The following MAD1L1 variants were observed in gnomAD, a reference collection of about 807,000 sequenced individuals.
The protein encoded by MAD1L1 is mitotic arrest deficient 1 like 1, also known as mitotic spindle assembly checkpoint protein MAD1.
A neutral mutation model predicts 96.9 loss-of-function variants in MAD1L1; 95 were observed. That is an observed-to-expected ratio of 0.98 (90% CI 0.83 to 1.16). The LOEUF (loss-of-function observed/expected upper bound fraction) is 1.16, where lower values mean the gene tolerates loss of function less well. Ranked by LOEUF, MAD1L1 falls within the 50% of genes most tolerant of loss-of-function variation. The probability of loss-of-function intolerance (pLI) is 0.00; values close to 1 mark genes in which losing one functional copy is unlikely to be tolerated. For missense variants in MAD1L1, 1,007 were observed against 954.4 expected, an observed-to-expected ratio of 1.06 and a Z score of -0.73; for synonymous variants, 473 against 396.6, an observed-to-expected ratio of 1.19 and a Z score of -2.29.
intron 14 of MAD1L1, among the ~76,000 whole-genome samples, chr7:1,984,899 T>C (rs1365644859): frequency 6.6e-6 from 1 of 152,250 alleles, no homozygotes; most frequent in African/African-American, 2.4e-5. Flanking sequence ...TTTTTGCGTG[T>C]AATTCTCTCG....
rs118004989 is a variant in MAD1L1, at chr7:2,094,617, A to G, written c.1074-25279T>C. 3.5e-4 allele frequency among the ~76,000 whole-genome samples: 53 copies of G among 150,746 alleles called. 2 individuals are homozygous for G. In the East Asian group the frequency reaches 9.0e-3, roughly 26 times the overall value. On this transcript the variant is annotated intron_variant, in intron 11 of 18. Coordinates refer to ENST00000265854, the MANE Select transcript of MAD1L1 (RefSeq NM_001013836.2). ...CTGCTATCCAGACAGGGTGCTCCAGAAAGAGGACTGGCCAGTGCAAAGGCC... is the reference window on the plus strand; with the variant it reads ...CTGCTATCCAGACAGGGTGCTCCAGGAAGAGGACTGGCCAGTGCAAAGGCC...
chr7:1,891,933 T>C (rs769301730), intron 18 of MAD1L1, among the ~76,000 whole-genome samples: 3 of 152,184 alleles, frequency 2.0e-5, no homozygotes, highest in Non-Finnish European at 1.5e-5. Context: ...GAGTGTAGCC[T>C]AAGTGGTACG....
chr7:1,881,805 G>GC, intron 18 of MAD1L1, among the ~76,000 whole-genome samples: 1 of 152,310 alleles, frequency 6.6e-6, no homozygotes, highest in South Asian at 2.1e-4. Flanking sequence ...GGCCCATGGT[G>GC]CCCCCTCACT....
chr7:1,896,642 C>T (rs542150088), intron 18 of MAD1L1, among the ~76,000 whole-genome samples: 3 of 152,354 alleles, frequency 2.0e-5, no homozygotes, highest in South Asian at 2.1e-4. Flanking sequence ...GGCCACCTTT[C>T]GCGGGAAGAT....
At chr7:1,916,760 G>A (rs577142496) in intron 17 of MAD1L1, among the ~76,000 whole-genome samples, 106 of 152,248 alleles carry the variant, frequency 7.0e-4, no homozygotes, top group Non-Finnish European at 1.3e-3. Context: ...AGAAATGACA[G>A]TAGTCCCGAT....
At chr7:2,210,957 C>T (rs562280298) in intron 10 of MAD1L1, among the ~76,000 whole-genome samples, 6 of 152,342 alleles carry the variant, frequency 3.9e-5, no homozygotes, top group East Asian at 3.9e-4. Context: ...AGAAGAGCTC[C>T]GTGTCCCCCT....
chr7:1,868,477 A>T (rs1446190642), intron 18 of MAD1L1, among the ~76,000 whole-genome samples: 1 of 115,930 alleles, frequency 8.6e-6, no homozygotes, highest in African/African-American at 3.6e-5. Flanking sequence ...GAGGCCTCCC[A>T]CCCACCCCAC....
intron 10 of MAD1L1, among the ~76,000 whole-genome samples, chr7:2,163,752 G>A (rs1437898023): frequency 6.6e-6 from 1 of 152,134 alleles, no homozygotes; most frequent in Non-Finnish European, 1.5e-5. Context: ...GGCAAGCCTG[G>A]GGAGCACTGG....
chr7:2,012,881 C>T (rs1782366003), intron 13 of MAD1L1, among the ~76,000 whole-genome samples: 1 of 152,180 alleles, frequency 6.6e-6, no homozygotes, highest in South Asian at 2.1e-4. Context: ...GTGCCCACGC[C>T]CCCTCTAAAC....
At chr7:1,824,248 T>A (rs1199616846) in intron 18 of MAD1L1, among the ~76,000 whole-genome samples, 1 of 152,180 alleles carries the variant, frequency 6.6e-6, no homozygotes. Context: ...GCGGGCCTGG[T>A]GGCAGAGCTG....
intron 18 of MAD1L1, among the ~76,000 whole-genome samples, chr7:1,874,718 G>A (rs1409810053): frequency 6.6e-6 from 1 of 152,076 alleles, no homozygotes; most frequent in Non-Finnish European, 1.5e-5. Context: ...TGGCTCAGCA[G>A]GACCCACAGG....
intron 10 of MAD1L1, among the ~76,000 whole-genome samples, chr7:2,192,653 T>C (rs1283521074): frequency 6.6e-6 from 1 of 152,120 alleles, no homozygotes; most frequent in Non-Finnish European, 1.5e-5. Flanking sequence ...TTTTAAAAAA[T>C]TCTAAGGAAG....
chr7:2,154,306 G>A (rs1415802649), intron 10 of MAD1L1, among the ~76,000 whole-genome samples: 2 of 152,238 alleles, frequency 1.3e-5, no homozygotes, highest in African/African-American at 4.8e-5. Flanking sequence ...GCAGAGAGTA[G>A]AATGACAGGA....
intron 13 of MAD1L1, among the ~76,000 whole-genome samples, chr7:2,011,545 G>C (rs1222499033): frequency 6.6e-6 from 1 of 152,184 alleles, no homozygotes; most frequent in Non-Finnish European, 1.5e-5. Context: ...GTCACTTCAG[G>C]GAAAGGCAGG....
chr7:2,221,266 C>G (rs534496885), intron 5 of MAD1L1, among the ~76,000 whole-genome samples: 1 of 152,134 alleles, frequency 6.6e-6, no homozygotes, highest in Non-Finnish European at 1.5e-5. Context: ...CCGCAGGCAG[C>G]GGGGACAGCC....
At chr7:1,940,944 A>AT (rs1562545305) in intron 16 of MAD1L1, among the ~76,000 whole-genome samples, 4 of 150,966 alleles carry the variant, frequency 2.6e-5, no homozygotes, top group Non-Finnish European at 5.9e-5. Context: ...CCCAGGCCTC[A>AT]CCCTCCTCTT....
chr7:2,085,895 G>A (rs186927015), intron 11 of MAD1L1, among the ~76,000 whole-genome samples: 11 of 152,330 alleles, frequency 7.2e-5, no homozygotes, highest in African/African-American at 1.7e-4. Context: ...GGACGCTCAC[G>A]GCAGATGCAG....
At chr7:1,982,048 G>C (rs933928896) in intron 14 of MAD1L1, among the ~76,000 whole-genome samples, 4 of 152,120 alleles carry the variant, frequency 2.6e-5, no homozygotes, top group African/African-American at 9.7e-5. Context: ...TCTGAGGTTT[G>C]AGCATATGTT....
At chr7:2,068,790 G>A (rs538308675) in intron 12 of MAD1L1, among the ~76,000 whole-genome samples, 3 of 152,338 alleles carry the variant, frequency 2.0e-5, no homozygotes, top group Admixed American at 2.0e-4. Flanking sequence ...CTGGAAGCAG[G>A]TGACAGCCTT....
Sources: allele counts gnomAD v4.1 joint callset (sites outside exome capture counted in the v4.1 genomes callset), GRCh38; gene constraint gnomAD v4.1.1; transcripts MANE v1.5; gene names NCBI Gene and HGNC (gene_info 2026-07-23, HGNC 2026-07-21).